The following PTPRN2 variants were observed in gnomAD, a reference collection of about 807,000 sequenced individuals.
The protein encoded by PTPRN2 is receptor-type tyrosine-protein phosphatase N2.
PTPRN2 carries 74 observed loss-of-function variants against 118.8 expected under a neutral mutation model. The observed-to-expected ratio is 0.62, with a 90% CI of 0.52 to 0.76. The LOEUF (loss-of-function observed/expected upper bound fraction) is 0.76, where lower values mean the gene tolerates loss of function less well. PTPRN2 is among the 30% of genes least tolerant of loss of function. PTPRN2 has a pLI of 0.00. For missense variants in PTPRN2, 1,481 were observed against 1,394.4 expected (o/e 1.06, Z -0.99); for synonymous variants, 641 against 608.0 (o/e 1.05, Z -0.80).
rs1252025904 is a variant in PTPRN2, at chr7:157,893,663, A to C, written c.1788+5010T>G. On this transcript the variant is annotated intron_variant, in intron 12 of 22. Transcript: ENST00000389418. This position sits in a 1 kb window ranked among gnomAD's most constrained non-coding sequence, Gnocchi z 4.0. ...CTTTAAGTGTGAGGCTCCTCTACAG[A>C]TCTCCCAGGAGAGAAAAGGAGGACA... 6.6e-6 allele frequency among the ~76,000 whole-genome samples: 1 copy of C among 152,146 alleles called. No individual in the cohort carries two copies. Among genetic ancestry groups the C allele is most frequent in the Non-Finnish European group, 1.5e-5 (1 of 68,036 alleles).
intron 11 of PTPRN2, among the ~76,000 whole-genome samples, chr7:158,071,456 T>G (rs111162923): frequency 0.26 from 4,934 of 19,080 alleles, 467 homozygotes; most frequent in African/African-American, 0.42. Context: ...TGCTCGTGGT[T>G]GAGGTGCTCG....
chr7:158,085,508 C>A (rs545685267), intron 10 of PTPRN2, among the ~76,000 whole-genome samples: 1 of 135,928 alleles, frequency 7.4e-6, no homozygotes, highest in Non-Finnish European at 1.6e-5. Context: ...ACACCCATGA[C>A]GCCCATCCAC....
chr7:157,689,289 C>T lies in PTPRN2; in HGVS notation c.1789-6352G>A, dbSNP rs907086973. On this transcript the variant is annotated intron_variant, in intron 12 of 22. Coordinates refer to ENST00000389418, the MANE Select transcript of PTPRN2 (RefSeq NM_002847.5). ...AAGGACAGCCTGGTTTGGCGAAGACCCCTCGGACACCCTGCGCTCCGGACT... is the reference window on the plus strand; with the variant it reads ...AAGGACAGCCTGGTTTGGCGAAGACTCCTCGGACACCCTGCGCTCCGGACT... Among the ~76,000 whole-genome samples the T allele has an allele frequency of 2.6e-5, 4 of 152,344 alleles. No homozygotes were observed. In the East Asian group the frequency reaches 7.7e-4, roughly 29 times the overall value.
At chr7:157,748,762 C>CCTTCTGCTTGGCA (rs1801225925) in intron 12 of PTPRN2, among the ~76,000 whole-genome samples, 1 of 116,388 alleles carries the variant, frequency 8.6e-6, no homozygotes, top group Non-Finnish European at 1.8e-5. Flanking sequence ...ATTCTGAGGC[C>CCTTCTGCTTGGCA]TGCGTCCCTG....
intron 12 of PTPRN2, among the ~76,000 whole-genome samples, chr7:157,685,611 C>A (rs552107349): frequency 6.6e-6 from 1 of 152,144 alleles, no homozygotes; most frequent in South Asian, 2.1e-4. Context: ...CGGGGCCAGC[C>A]GAGGCTGTTC....
chr7:158,475,616 G>A lies in PTPRN2; in HGVS notation c.163+14119C>T, dbSNP rs548387968. Among the ~76,000 whole-genome samples, 70 of 152,208 alleles carry A rather than the reference G, an allele frequency of 4.6e-4. 1 individual carries two copies. In the South Asian group the frequency reaches 0.013, roughly 28 times the overall value. ...CAGCCGGGCACTCCAATACCTTCTC[G>A]GGGTTTTTAGGACATGCCCCTGCTG... On this transcript the variant is annotated intron_variant, in intron 2 of 22. Coordinates refer to ENST00000389418, the MANE Select transcript of PTPRN2 (RefSeq NM_002847.5).
At chr7:157,586,834 G>A (rs1343592674) in intron 17 of PTPRN2, among the ~76,000 whole-genome samples, 1 of 152,246 alleles carries the variant, frequency 6.6e-6, no homozygotes, top group African/African-American at 2.4e-5. Context: ...AAACAGTTGT[G>A]AGTAGCTGGG....
At chr7:158,572,130 T>G (rs1452299283) in intron 1 of PTPRN2, among the ~76,000 whole-genome samples, 1 of 152,204 alleles carries the variant, frequency 6.6e-6, no homozygotes, top group East Asian at 1.9e-4. Context: ...GACTCTGTCT[T>G]GCTCGTGTTT....
chr7:157,816,252 G>A (rs1225301824), intron 12 of PTPRN2, among the ~76,000 whole-genome samples: 2 of 152,172 alleles, frequency 1.3e-5, no homozygotes, highest in Non-Finnish European at 2.9e-5. Context: ...TGCCTGCCCC[G>A]CCTCCCTGGG....
rs1245105697 is a variant in PTPRN2 at position 157,629,891 on chromosome 7, GT to G, written c.2197-8383del. Among the ~76,000 whole-genome samples the G allele has an allele frequency of 6.6e-6, 1 of 152,208 alleles. No homozygotes were observed. Among genetic ancestry groups the G allele is most frequent in the Admixed American group, 6.5e-5 (1 of 15,276 alleles). On this transcript the variant is annotated intron_variant, in intron 14 of 22. Transcript: ENST00000389418. The surrounding 1 kb of genome is among the most constrained non-coding windows in gnomAD (Gnocchi z 4.4). Reference sequence around the variant, plus strand: ...TTTCCTTCTTGTGACGAGACCACAGGTTTGTGTGTTGAAGTCACAAGTTAGA... The same window carrying G: ...TTTCCTTCTTGTGACGAGACCACAGGTTGTGTGTTGAAGTCACAAGTTAGA...
chr7:158,515,724 A>G (rs1213762450), intron 1 of PTPRN2, among the ~76,000 whole-genome samples: 2 of 151,354 alleles, frequency 1.3e-5, no homozygotes, highest in Non-Finnish European at 2.9e-5. Context: ...CCTACTCTCC[A>G]TCCTCCTCTC....
intron 3 of PTPRN2, among the ~76,000 whole-genome samples, chr7:158,308,421 G>A (rs915772394): frequency 6.6e-6 from 1 of 152,114 alleles, no homozygotes; most frequent in African/African-American, 2.4e-5. Context: ...AACAGCACCA[G>A]TAAAGGTCAT....
At chr7:157,668,116 C>T (rs1796234480) in intron 13 of PTPRN2, among the ~76,000 whole-genome samples, 1 of 152,278 alleles carries the variant, frequency 6.6e-6, no homozygotes, top group South Asian at 2.1e-4. Flanking sequence ...CCGCCTGCTC[C>T]TCTGCTGTGC....
chr7:157,844,184 C>A (rs1173885180), intron 12 of PTPRN2, among the ~76,000 whole-genome samples: 1 of 152,194 alleles, frequency 6.6e-6, no homozygotes, highest in Non-Finnish European at 1.5e-5. Context: ...GTGTGCAAGC[C>A]CCACACACAG....
Position 157,671,995 on chromosome 7 carries a change from C to A in PTPRN2, c.2001+10730G>T, listed in dbSNP as rs561506728. Among the ~76,000 whole-genome samples the A allele has an allele frequency of 1.5e-3, 226 of 152,136 alleles. 1 individual carries two copies. Among genetic ancestry groups the A allele is most frequent in the African/African-American group, 4.0e-3 (167 of 41,504 alleles). On this transcript the variant is annotated intron_variant, in intron 13 of 22. Transcript: ENST00000389418. This position sits in a 1 kb window ranked among gnomAD's most constrained non-coding sequence, Gnocchi z 4.1. ...CCTGGAGGAAAACCCGTGAGCGAGT[C>A]GTGGAGGGAGTGTGAGGGTTTTTGG...
At chr7:158,587,310 TCCC>T (rs1563461158) in intron 1 of PTPRN2, among the ~76,000 whole-genome samples, 1 of 53,980 alleles carries the variant, frequency 1.9e-5, no homozygotes, top group Non-Finnish European at 3.4e-5. Context: ...GAGGCGCCCC[TCCC>T]CCAACGCCCC....
At chr7:157,790,718 A>G (rs1199121546) in intron 12 of PTPRN2, among the ~76,000 whole-genome samples, 1 of 152,238 alleles carries the variant, frequency 6.6e-6, no homozygotes, top group East Asian at 1.9e-4. Flanking sequence ...AATACTTTTT[A>G]ATCTTGGGTT....
intron 11 of PTPRN2, chr7:158,028,976 C>T (rs1441345811): frequency 6.6e-6 from 1 of 152,322 alleles, no homozygotes; most frequent in South Asian, 2.1e-4. Context: ...GCTGGTTAAC[C>T]TGGTGGAATC....
intron 12 of PTPRN2, among the ~76,000 whole-genome samples, chr7:157,755,487 ATCC>A (rs1364568956): frequency 6.6e-6 from 1 of 152,184 alleles, no homozygotes; most frequent in Non-Finnish European, 1.5e-5. Context: ...AAGTTGAGTC[ATCC>A]TCATTTGATT....
Sources: allele counts gnomAD v4.1 joint callset (sites outside exome capture counted in the v4.1 genomes callset), GRCh38; gene constraint gnomAD v4.1.1; non-coding constraint Gnocchi (gnomAD v3.1); transcripts MANE v1.5; gene names NCBI Gene and HGNC (gene_info 2026-07-23, HGNC 2026-07-21).